The following TLE2 variants were observed in gnomAD, a reference collection of about 807,000 sequenced individuals.
TLE2 encodes transducin-like enhancer protein 2.
Under a neutral mutation model 97.2 loss-of-function variants are expected in TLE2, and 74 were observed. The ratio of observed to expected loss-of-function variants is 0.76; its 90% CI spans 0.63 to 0.92. The LOEUF (loss-of-function observed/expected upper bound fraction) is 0.92. Ranked by LOEUF, TLE2 falls within the 40% of genes least tolerant of loss-of-function variation. The probability of loss-of-function intolerance (pLI) is 0.00; values close to 1 mark genes in which losing one functional copy is unlikely to be tolerated. For synonymous variants in TLE2, 499 were observed against 432.1 expected (o/e 1.15, Z -1.92); for missense variants, 1,038 against 1,008.7 (o/e 1.03, Z -0.39).
Position 3,019,600 on chromosome 19 carries a change from G to T in TLE2, c.369+99C>A. On this transcript the variant is annotated intron_variant, in intron 6 of 19. Transcript: ENST00000262953. This position sits in a 1 kb window ranked among gnomAD's most constrained non-coding sequence, Gnocchi z 5.1. ...GGGTTCCCAGGACCACTGGAGCCAAGGCCCACACACCACCCCAGCTTTAAC... is the reference window on the plus strand; with the variant it reads ...GGGTTCCCAGGACCACTGGAGCCAATGCCCACACACCACCCCAGCTTTAAC... 1 of 1,526,302 alleles carries T rather than the reference G, an allele frequency of 6.6e-7. No individual in the cohort carries two copies. The highest frequency in any genetic ancestry group is 8.8e-7 in the Non-Finnish European group (1 of 1,132,366). 94.5% of individuals were successfully genotyped at this position (1,526,302 alleles called of 1,614,324 possible).
At position 3,014,557 on chromosome 19, in the gene TLE2, C is replaced by A; in HGVS notation, c.723+13G>T. On this transcript the variant is annotated intron_variant, in intron 10 of 19. Coordinates refer to ENST00000262953, the MANE Select transcript of TLE2 (RefSeq NM_003260.5). The stretch of plus-strand genomic sequence containing the variant: ...GCCCAGAGTCGGGGAAGAGGCTGGA[C>A]CCCTGGACTCACCTCGTCCACCACC... 6.3e-7 allele frequency: 1 copy of A among 1,582,600 alleles called. No individual in the cohort carries two copies. Among genetic ancestry groups the A allele is most frequent in the Non-Finnish European group, 8.6e-7 (1 of 1,164,348 alleles).
chr19:3,046,795 A>G (rs1471411134), upstream of TLE2, among the ~76,000 whole-genome samples: 1 of 151,922 alleles, frequency 6.6e-6, no homozygotes, highest in African/African-American at 2.4e-5. Context: ...CAGAGGAAAC[A>G]GGGTGTTAGA....
At chr19:3,035,381 C>T (rs1362599663) in intron 1 of TLE2, among the ~76,000 whole-genome samples, 3 of 152,118 alleles carry the variant, frequency 2.0e-5, no homozygotes, top group African/African-American at 7.2e-5. Flanking sequence ...TCACGGACCC[C>T]CTCTTTGCGC....
chr19:3,042,840 T>G (rs2090114705), intron 1 of TLE2, among the ~76,000 whole-genome samples: 1 of 152,016 alleles, frequency 6.6e-6, no homozygotes, highest in African/African-American at 2.4e-5. Context: ...GAAAGGAAAT[T>G]TTTTTTAACG....
intron 19 of TLE2, 69 bp from the exon 20 acceptor site, chr19:2,998,024 G>T: frequency 8.7e-7 from 1 of 1,149,120 alleles, no homozygotes; most frequent in Non-Finnish European, 1.3e-6. Flanking sequence ...GTGTGGGCAA[G>T]GCTGGGGCGG....
intron 19 of TLE2, among the ~76,000 whole-genome samples, chr19:2,998,236 AATGTGTGTGTGTGTGTGTGTGT>A (rs1454334550): frequency 0.027 from 2,303 of 85,150 alleles, 63 homozygotes; most frequent in African/African-American, 0.12. Flanking sequence ...ACGCCCGGCC[AATGTGTGTGTGTGTGTGTGTGT>A]GTGTGTGTGT....
rs765350153 is a variant in TLE2, at chr19:3,027,855, C to G, written c.205G>C (p.Gly69Arg). The change falls in exon 4 of 20, where the codon GGG (glycine) becomes CGG (arginine). Residue 69 changes from glycine (G) to arginine (R), a missense_variant. Coordinates refer to ENST00000262953, the MANE Select transcript of TLE2 (RefSeq NM_003260.5). ...TGCTTATGCATTTCAATGTTGAGCC[C>G]GTACGACATCTCATAATACTGCAAA... ...HYVMYYEMSY[G>R]LNIEMHKQAE... 198 of 1,611,294 alleles carry G rather than the reference C, an allele frequency of 1.2e-4. No individual in the cohort carries two copies. The highest frequency in any genetic ancestry group is 1.6e-4 in the Non-Finnish European group (189 of 1,179,024).
upstream of TLE2, among the ~76,000 whole-genome samples, chr19:3,047,348 C>T (rs1305351779): frequency 6.9e-6 from 1 of 144,778 alleles, no homozygotes; most frequent in Non-Finnish European, 1.5e-5. Context: ...CGAGCACGCC[C>T]CCCCAGGACG....
intron 1 of TLE2, among the ~76,000 whole-genome samples, chr19:3,041,666 C>T (rs1454577302): frequency 6.6e-6 from 1 of 152,262 alleles, no homozygotes; most frequent in East Asian, 1.9e-4. Context: ...TCCAAACCTT[C>T]CCCATGACTC....
chr19:3,009,783 T>C lies in TLE2; in HGVS notation c.1013-81A>G, dbSNP rs1262374508. On this transcript the variant is annotated intron_variant, in intron 12 of 19. Transcript: ENST00000262953. ...CCACTGCCTTGGGAGCTCCCTGGCC[T>C]TTCATTTAGAGTTTCCATGTGCTGG... 4 of 1,509,180 alleles carry C rather than the reference T, an allele frequency of 2.7e-6. No individual in the cohort carries two copies. In the African/African-American group the frequency reaches 4.2e-5, roughly 16 times the overall value. The allele number at this position is 1,509,180 out of a possible 1,614,324, so 93.5% of individuals were successfully genotyped here.
chr19:3,031,122 G>A (rs1030546187), upstream of TLE2, among the ~76,000 whole-genome samples: 1 of 152,102 alleles, frequency 6.6e-6, no homozygotes, highest in Non-Finnish European at 1.5e-5. Flanking sequence ...TGAGTGACAG[G>A]CTAGGCAGGT....
At chr19:3,008,427 C>T (rs2089519849) in intron 14 of TLE2, among the ~76,000 whole-genome samples, 1 of 151,886 alleles carries the variant, frequency 6.6e-6, no homozygotes, top group Non-Finnish European at 1.5e-5. Flanking sequence ...CTCTGAGTAG[C>T]TTATGCAAGA....
intron 17 of TLE2, among the ~76,000 whole-genome samples, chr19:3,004,437 A>G (rs1336910744): frequency 6.6e-6 from 1 of 151,874 alleles, no homozygotes; most frequent in Non-Finnish European, 1.5e-5. Flanking sequence ...CAGGAATCCA[A>G]GACCAACCTG....
intron 19 of TLE2, among the ~76,000 whole-genome samples, chr19:3,000,320 C>G (rs1325965868): frequency 1.3e-5 from 2 of 152,006 alleles, no homozygotes; most frequent in Non-Finnish European, 2.9e-5. Context: ...CGTGATCCGC[C>G]TGCCTCAGCC....
intron 5 of TLE2, among the ~76,000 whole-genome samples, chr19:3,023,994 CT>C (rs372319602): frequency 0.15 from 18,761 of 122,952 alleles, 1,546 homozygotes; most frequent in East Asian, 0.3. Flanking sequence ...GAAGAGCTAA[CT>C]TTTTTTTTTT....
intron 17 of TLE2, among the ~76,000 whole-genome samples, chr19:3,004,139 G>T (rs905742529): frequency 6.6e-6 from 1 of 152,198 alleles, no homozygotes; most frequent in African/African-American, 2.4e-5. Context: ...CACATTTGCA[G>T]AAGAGAAGAC....
At chr19:3,046,668 A>G (rs2090143342), upstream of TLE2, among the ~76,000 whole-genome samples, 1 of 150,972 alleles carries the variant, frequency 6.6e-6, no homozygotes, top group South Asian at 2.1e-4. Flanking sequence ...GATGGGGGCA[A>G]TCGAGGCCCA....
chr19:3,005,478 G>A lies in TLE2; in HGVS notation c.1855C>T (p.Arg619Trp), dbSNP rs1325838505. Reference protein sequence around the residue: ...LDNTVRCWDLREGRQLQQHDF... With the variant: ...LDNTVRCWDLWEGRQLQQHDF... ...TGCTGCTGCAGCTGGCGGCCCTCCC[G>A]CAGGTCCCAGCAGCGCACCGTGTTG... Residue 619 changes from arginine to tryptophan, a missense_variant, in exon 17 of 20, where the codon CGG becomes TGG. Coordinates refer to ENST00000262953, the MANE Select transcript of TLE2 (RefSeq NM_003260.5). The A allele has an allele frequency of 5.6e-6, 9 of 1,613,718 alleles. No homozygotes were observed. Among genetic ancestry groups the A allele is most frequent in the Non-Finnish European group, 7.6e-6 (9 of 1,179,790 alleles).
At position 3,019,090 on chromosome 19, in the gene TLE2, G is replaced by A. The variant is rs771138511; in HGVS notation, c.550+193C>T. Among the ~76,000 whole-genome samples the A allele has an allele frequency of 5.3e-5, 8 of 151,996 alleles. No individual in the cohort carries two copies. The highest frequency in any genetic ancestry group is 1.0e-4 in the Non-Finnish European group (7 of 67,994). Reference sequence around the variant, plus strand: ...ATTTTTAAATTTTTGTAGAGACGGGGTCTCGCTCTGTTGCCCAGGCTGGTC... The same window carrying A: ...ATTTTTAAATTTTTGTAGAGACGGGATCTCGCTCTGTTGCCCAGGCTGGTC... On this transcript the variant is annotated intron_variant, in intron 7 of 19. Transcript: ENST00000262953. The surrounding 1 kb of genome is among the most constrained non-coding windows in gnomAD (Gnocchi z 5.1).
Sources: gnomAD v4.1 joint callset for allele counts (sites outside exome capture counted in the v4.1 genomes callset) on GRCh38, gnomAD v4.1.1 for gene constraint, Gnocchi (gnomAD v3.1) non-coding constraint, MANE v1.5 for transcripts, NCBI Gene and HGNC (gene_info 2026-07-23, HGNC 2026-07-21) for gene names.